The following TSC1 variants were observed in gnomAD, a reference collection of about 807,000 sequenced individuals.
TSC1 encodes the protein hamartin.
Under a neutral mutation model 124.3 loss-of-function variants are expected in TSC1, and 20 were observed. That is an observed-to-expected ratio of 0.16 (90% CI 0.11 to 0.23). TSC1 has a LOEUF of 0.23. Among genes scored for constraint, TSC1 ranks in the 10% least tolerant of loss-of-function variants. The pLI is 1.00. For missense variants in TSC1, 1,124 were observed against 1,448.5 expected, an observed-to-expected ratio of 0.78 and a Z score of 3.64; for synonymous variants, 493 against 539.1, an observed-to-expected ratio of 0.91 and a Z score of 1.19.
intron 1 of TSC1, among the ~76,000 whole-genome samples, chr9:132,936,842 C>T (rs1315021570): frequency 6.6e-6 from 1 of 152,180 alleles, no homozygotes; most frequent in Non-Finnish European, 1.5e-5. Flanking sequence ...ACTATGGACA[C>T]CTAATTACCC....
chr9:132,899,195 G>A (rs1845244889), intron 20 of TSC1: 1 of 152,278 alleles, frequency 6.6e-6, no homozygotes, highest in African/African-American at 2.4e-5. Flanking sequence ...CAAAGTGCTG[G>A]GATTACAAGC....
In TSC1 at chr9:132,892,999, TA is replaced by T; in HGVS notation, c.*3235del. On this transcript the variant is annotated 3_prime_UTR_variant, in exon 23 of 23. Coordinates refer to ENST00000298552, the MANE Select transcript of TSC1 (RefSeq NM_000368.5). Reference sequence around the variant, plus strand: ...TCCCTGCTGCCCTGCTTTTACCCAGTAATGTGCGGCATGGTGGGTGAATTTT... The same window carrying T: ...TCCCTGCTGCCCTGCTTTTACCCAGTATGTGCGGCATGGTGGGTGAATTTT... The T allele has an allele frequency of 4.3e-6, 1 of 233,350 alleles. No homozygotes were observed. Among genetic ancestry groups the T allele is most frequent in the African/African-American group, 2.2e-5 (1 of 45,472 alleles). 14.5% of individuals were successfully genotyped at this position (233,350 alleles called of 1,614,324 possible).
At chr9:132,939,297 G>A (rs1420978681) in intron 1 of TSC1, 1 of 152,240 alleles carries the variant, frequency 6.6e-6, no homozygotes, top group African/African-American at 2.4e-5. Flanking sequence ...GGAAAAAAGG[G>A]TAGGAAATAA....
rs1845665512 is a variant in TSC1, at chr9:132,906,241, A to G, written c.1439-102T>C. The G allele has an allele frequency of 1.5e-6, 2 of 1,346,108 alleles. No individual in the cohort carries two copies. The highest frequency in any genetic ancestry group is 3.9e-5 in the Admixed American group (2 of 51,054). The allele number at this position is 1,346,108 out of a possible 1,614,324, so 83.4% of individuals were successfully genotyped here. A position where few individuals can be genotyped will look rare whatever the true frequency, so the allele number is the denominator to read the frequency against. On this transcript the variant is annotated intron_variant, in intron 14 of 22. Coordinates refer to ENST00000298552, the MANE Select transcript of TSC1 (RefSeq NM_000368.5). This position sits in a 1 kb window ranked among gnomAD's most constrained non-coding sequence, Gnocchi z 4.1. Reference sequence around the variant, plus strand: ...GCTGCCACATGCCAGTGTCACTCAGAGAGAGGAGAAAAAGTGGCATCCGGC... The same window carrying G: ...GCTGCCACATGCCAGTGTCACTCAGGGAGAGGAGAAAAAGTGGCATCCGGC...
rs1588303402 is a variant in TSC1, at chr9:132,903,528, T to C, written c.2208+123A>G. 4 of 1,413,564 alleles carry C rather than the reference T, an allele frequency of 2.8e-6. No homozygotes were observed. Among genetic ancestry groups the C allele is most frequent in the Non-Finnish European group, 3.0e-6 (3 of 1,008,722 alleles). The allele number at this position is 1,413,564 out of a possible 1,614,324, so 87.6% of individuals were successfully genotyped here. A position where few individuals can be genotyped will look rare whatever the true frequency, so the allele number is the denominator to read the frequency against. ...ATTCATGTCTTAATCTCAAGCGACC[T>C]GCCCAAAGGAGTGGGAAGGACTGGG... On this transcript the variant is annotated intron_variant, in intron 17 of 22. Transcript: ENST00000298552. The surrounding 1 kb of genome is among the most constrained non-coding windows in gnomAD (Gnocchi z 5.9).
At chr9:132,915,735 G>T (rs539266858) in intron 8 of TSC1, among the ~76,000 whole-genome samples, 1 of 152,300 alleles carries the variant, frequency 6.6e-6, no homozygotes, top group Non-Finnish European at 1.5e-5. Context: ...CTCAACTGTT[G>T]TAGGAAGCTC....
rs577637534 is a variant in TSC1, at chr9:132,922,038, T to C, written c.509-65A>G. Reference sequence around the variant, plus strand: ...GACAGATTGAGGAGTGCAAAACAGCTATAAACAAGTGGCTGCCAGCAGGAC... The same window carrying C: ...GACAGATTGAGGAGTGCAAAACAGCCATAAACAAGTGGCTGCCAGCAGGAC... On this transcript the variant is annotated intron_variant, in intron 6 of 22. Transcript: ENST00000298552. 8.7e-6 allele frequency: 14 copies of C among 1,600,610 alleles called. No individual in the cohort carries two copies. The African/African-American group carries it at 1.6e-4, about 18-fold the overall frequency.
chr9:132,928,732 A>G, intron 3 of TSC1, 35 bp downstream of exon 3: 2 of 1,612,152 alleles, frequency 1.2e-6, no homozygotes, highest in South Asian at 2.2e-5. Flanking sequence ...TCTTCTTTCT[A>G]GAAGATAAGC....
At chr9:132,912,016 T>C (rs1845991688) in intron 9 of TSC1, among the ~76,000 whole-genome samples, 1 of 152,204 alleles carries the variant, frequency 6.6e-6, no homozygotes, top group South Asian at 2.1e-4. Context: ...AGTCAAATAC[T>C]TAAACCCATT....
chr9:132,928,129 T>C (rs1414823236), intron 3 of TSC1, among the ~76,000 whole-genome samples: 1 of 152,236 alleles, frequency 6.6e-6, no homozygotes, highest in African/African-American at 2.4e-5. Context: ...ATTTCATTTC[T>C]TTCCGTCCTC....
Position 132,927,521 on chromosome 9 carries a change from C to CTTTTTTTTT in TSC1, c.107-226_107-218dup, listed in dbSNP as rs57259325. Among the ~76,000 whole-genome samples, 15 of 103,924 alleles carry CTTTTTTTTT rather than the reference C, an allele frequency of 1.4e-4. 2 individuals carry two copies. The highest frequency in any genetic ancestry group is 3.0e-4 in the African/African-American group (8 of 26,580). The allele number at this position is 103,924 out of a possible 152,430, so 68.2% of individuals were successfully genotyped here. ...AAACATATGAAGTCATTTTTATTGC[C>CTTTTTTTTT]TTTTTTTTTTTTTTTTTTTTGAGAT... is the stretch of plus-strand genomic sequence containing the variant. On this transcript the variant is annotated intron_variant, in intron 3 of 22. Coordinates refer to ENST00000298552, the MANE Select transcript of TSC1 (RefSeq NM_000368.5).
upstream of TSC1, among the ~76,000 whole-genome samples, chr9:132,945,004 G>T (rs563186524): frequency 2.6e-5 from 4 of 152,250 alleles, no homozygotes; most frequent in South Asian, 2.1e-4. Flanking sequence ...AGCTGGCGGC[G>T]CCTGGGTGTG....
chr9:132,913,450 A>G (rs1192775055), intron 8 of TSC1, among the ~76,000 whole-genome samples: 1 of 152,116 alleles, frequency 6.6e-6, no homozygotes, highest in Non-Finnish European at 1.5e-5. Flanking sequence ...GGGTGTAATA[A>G]TAGTTATTCT....
At chr9:132,919,937 T>A (rs529279506) in intron 8 of TSC1, among the ~76,000 whole-genome samples, 34 of 152,320 alleles carry the variant, frequency 2.2e-4, no homozygotes, top group African/African-American at 7.9e-4. Context: ...CCCTCCTCTG[T>A]CTGATCAGCA....
chr9:132,892,980 C>A lies in TSC1; in HGVS notation c.*3255G>T, dbSNP rs1844848519. 1 of 233,316 alleles carries A rather than the reference C, an allele frequency of 4.3e-6. No homozygotes were observed. Among genetic ancestry groups the A allele is most frequent in the East Asian group, 6.0e-5 (1 of 16,592 alleles). 14.5% of individuals were successfully genotyped at this position (233,316 alleles called of 1,614,324 possible). A position where few individuals can be genotyped will look rare whatever the true frequency, so the allele number is the denominator to read the frequency against. On this transcript the variant is annotated 3_prime_UTR_variant, in exon 23 of 23. Coordinates refer to ENST00000298552, the MANE Select transcript of TSC1 (RefSeq NM_000368.5). Reference sequence around the variant, plus strand: ...CAAGAGTCTGGAGTTTTGTTCCCTGCTGCCCTGCTTTTACCCAGTAATGTG... The same window carrying A: ...CAAGAGTCTGGAGTTTTGTTCCCTGATGCCCTGCTTTTACCCAGTAATGTG...
chr9:132,893,065 C>T lies in TSC1; in HGVS notation c.*3170G>A, dbSNP rs367605870. The T allele has an allele frequency of 1.7e-5, 4 of 233,166 alleles. No homozygotes were observed. In the South Asian group the frequency reaches 5.4e-4, roughly 32 times the overall value. The allele number at this position is 233,166 out of a possible 1,614,324, so 14.4% of individuals were successfully genotyped here. A position where few individuals can be genotyped will look rare whatever the true frequency, so the allele number is the denominator to read the frequency against. ...GTCGTAACAGTTCACCTTCTCAGAA[C>T]AGTTTGGACTGTTTCCCCAACCATG... is the stretch of plus-strand genomic sequence containing the variant. On this transcript the variant is annotated 3_prime_UTR_variant, in exon 23 of 23. Transcript: ENST00000298552.
rs1265859381 is a variant in TSC1 at position 132,944,573 on chromosome 9, TCA to T, written c.-176_-175del. The stretch of plus-strand genomic sequence containing the variant: ...GTCTCCTCCCCCTCAGCTGTTTACC[TCA>T]CAGTCCCTCCAGCCTACAGGGCGCC... On this transcript the variant is annotated 5_prime_UTR_variant, in exon 1 of 23. The change abolishes the stop of an existing upstream ORF in the 5' untranslated region. Coordinates refer to ENST00000298552, the MANE Select transcript of TSC1 (RefSeq NM_000368.5). 1.0e-5 allele frequency: 4 copies of T among 398,792 alleles called. No homozygotes were observed. The East Asian group carries it at 1.1e-4, about 11-fold the overall frequency. The allele number at this position is 398,792 out of a possible 1,614,324, so 24.7% of individuals were successfully genotyped here.
chr9:132,935,878 C>T (rs1847432420), intron 1 of TSC1, among the ~76,000 whole-genome samples: 1 of 152,214 alleles, frequency 6.6e-6, no homozygotes, highest in Non-Finnish European at 1.5e-5. Flanking sequence ...CTACTTGCCT[C>T]CCACTTCCAC....
chr9:132,903,763 T>C lies in TSC1; in HGVS notation c.2096A>G (p.His699Arg), dbSNP rs1845505398. 1 of 1,613,820 alleles carries C rather than the reference T, an allele frequency of 6.2e-7. No homozygotes were observed. The highest frequency in any genetic ancestry group is 8.5e-7 in the Non-Finnish European group (1 of 1,180,012). ...AAAACGCTCATAGAGTAACTGGTTG[T>C]GCAGTAAAAGCAACTGGTCTCGGAG... Reference protein sequence around the residue: ...RTLRDQLLLLHNQLLYERFKR... With the variant: ...RTLRDQLLLLRNQLLYERFKR... The change falls in exon 17 of 23, where the codon CAC becomes CGC. Residue 699 changes from histidine to arginine, a missense_variant. By Grantham distance (29) the His-to-Arg change is conservative. This residue lies in a region of TSC1 where 321 missense variants were observed against 397.4 expected (regional missense o/e 0.81). Coordinates refer to ENST00000298552, the MANE Select transcript of TSC1 (RefSeq NM_000368.5). The surrounding 1 kb of genome is among the most constrained non-coding windows in gnomAD (Gnocchi z 5.9).
Sources: gnomAD v4.1 joint callset for allele counts (sites outside exome capture counted in the v4.1 genomes callset) on GRCh38, gnomAD v4.1.1 for gene constraint, gnomAD v4.1.1 regional missense constraint, Gnocchi (gnomAD v3.1) non-coding constraint, MANE v1.5 for transcripts, NCBI Gene and HGNC (gene_info 2026-07-23, HGNC 2026-07-21) for gene names.